The following DMBX1 variants were observed in gnomAD, a reference collection of about 807,000 sequenced individuals.
DMBX1 encodes diencephalon/mesencephalon homeobox 1.
In DMBX1, 7 loss-of-function variants were observed where a neutral mutation model predicts 30.4. The observed-to-expected ratio is 0.23, with a 90% CI of 0.13 to 0.43. DMBX1 has a LOEUF of 0.43. DMBX1 is among the 20% of genes least tolerant of loss of function. The pLI is 1.00. For missense variants in DMBX1, 460 were observed against 508.5 expected (o/e 0.90, Z 0.92); for synonymous variants, 222 against 214.2 (o/e 1.04, Z -0.32).
rs1665935624 is a variant in DMBX1, at chr1:46,491,884, G to T, written c.-13+1101G>T. Among the ~76,000 whole-genome samples the T allele has an allele frequency of 6.6e-6, 1 of 152,142 alleles. No homozygotes were observed. The highest frequency in any genetic ancestry group is 2.4e-5 in the African/African-American group (1 of 41,408). On this transcript the variant is annotated intron_variant, in intron 2 of 5. Coordinates refer to ENST00000360032, the MANE Select transcript of DMBX1 (RefSeq NM_172225.2). This position sits in a 1 kb window ranked among gnomAD's most constrained non-coding sequence, Gnocchi z 5.5. Reference sequence around the variant, plus strand: ...AACCAGCTGTGTTTATGTGTGTCTAGGTGTTCAGAAAAAAATCGAATTTGC... The same window carrying T: ...AACCAGCTGTGTTTATGTGTGTCTATGTGTTCAGAAAAAAATCGAATTTGC...
chr1:46,507,302 C>A (rs893554810), intron 3 of DMBX1, 138 bp downstream of exon 3: 3 of 1,131,750 alleles, frequency 2.7e-6, no homozygotes, highest in Non-Finnish European at 3.7e-6. Context: ...CTTAGCAACA[C>A]AGAGAGATGT....
chr1:46,505,830 G>A (rs1236401814), intron 2 of DMBX1, among the ~76,000 whole-genome samples: 5 of 151,622 alleles, frequency 3.3e-5, no homozygotes, highest in Non-Finnish European at 7.4e-5. Flanking sequence ...ATGTGGAGTG[G>A]GGCAGGCCCT....
intron 2 of DMBX1, among the ~76,000 whole-genome samples, chr1:46,500,001 G>A (rs1666094046): frequency 6.6e-6 from 1 of 152,216 alleles, no homozygotes; most frequent in African/African-American, 2.4e-5. Context: ...GAGGCGACTT[G>A]GGGAAGGCCC....
intron 2 of DMBX1, among the ~76,000 whole-genome samples, chr1:46,504,139 A>G (rs980978057): frequency 6.6e-6 from 1 of 151,766 alleles, no homozygotes; most frequent in Non-Finnish European, 1.5e-5. Context: ...AGTAGGTTGC[A>G]AAAATTTTCT....
Position 46,510,333 on chromosome 1 carries a change from G to A in DMBX1, c.155-143G>A, listed in dbSNP as rs947840955. The A allele has an allele frequency of 3.5e-5, 36 of 1,028,760 alleles. No homozygotes were observed. The highest frequency in any genetic ancestry group is 4.3e-5 in the Non-Finnish European group (31 of 726,812). The allele number at this position is 1,028,760 out of a possible 1,614,324, so 63.7% of individuals were successfully genotyped here. On this transcript the variant is annotated intron_variant, in intron 3 of 5. Transcript: ENST00000360032. The surrounding 1 kb of genome is among the most constrained non-coding windows in gnomAD (Gnocchi z 4.1). ...ACAGCCATATGGAGAGGGGATGGCT[G>A]ATTTCTAAGGGTAAGGGACCAGGGC...
chr1:46,505,883 A>G (rs75120915), intron 2 of DMBX1, among the ~76,000 whole-genome samples: 4,057 of 151,176 alleles, frequency 0.027, 174 homozygotes, highest in African/African-American at 0.093. Context: ...TCTTTCTCTG[A>G]GCCTCAGTAG....
At position 46,512,416 on chromosome 1, in the gene DMBX1, A is replaced by C; in HGVS notation, c.1056A>C (p.Lys352Asn). ...LAPASATLNS[K>N]TTSIENLRLR... ...CTGCATCAGCTACCCTGAACAGTAAAACCACAAGCATCGAGAACCTGCGGC... is the reference window on the plus strand; with the variant it reads ...CTGCATCAGCTACCCTGAACAGTAACACCACAAGCATCGAGAACCTGCGGC... Residue 352 changes from lysine (K) to asparagine (N), a missense_variant, in exon 6 of 6, where the codon AAA becomes AAC. Physicochemically the swap from Lys to Asn is moderately conservative, Grantham distance 94. Transcript: ENST00000360032. The surrounding 1 kb of genome is among the most constrained non-coding windows in gnomAD (Gnocchi z 4.8). The C allele has an allele frequency of 2.5e-6, 4 of 1,613,898 alleles. No individual in the cohort carries two copies. Among genetic ancestry groups the C allele is most frequent in the Non-Finnish European group, 3.4e-6 (4 of 1,179,970 alleles).
chr1:46,508,478 T>C (rs1666284175), intron 3 of DMBX1, among the ~76,000 whole-genome samples: 1 of 152,130 alleles, frequency 6.6e-6, no homozygotes, highest in Non-Finnish European at 1.5e-5. Context: ...TGGGCAGAAC[T>C]CAGTGGATAA....
chr1:46,489,930 C>T (rs1228940656), intron 1 of DMBX1, among the ~76,000 whole-genome samples, 53 bp downstream of exon 1: 1 of 152,148 alleles, frequency 6.6e-6, no homozygotes, highest in African/African-American at 2.4e-5. Flanking sequence ...GGGACAGTCG[C>T]TGCAGGGAGG....
chr1:46,502,632 A>G (rs992115027), intron 2 of DMBX1, among the ~76,000 whole-genome samples: 2 of 152,200 alleles, frequency 1.3e-5, no homozygotes, highest in African/African-American at 4.8e-5. Flanking sequence ...CACGCCTGTA[A>G]TTCCAGCACT....
rs80220764 is a variant in DMBX1, at chr1:46,506,855, C to G, written c.-12-144C>G. 1,057 of 871,646 alleles carry G rather than the reference C, an allele frequency of 1.2e-3. 9 individuals are homozygous for G. The African/African-American group carries it at 0.016, about 13-fold the overall frequency. 54.0% of individuals were successfully genotyped at this position (871,646 alleles called of 1,614,324 possible). On this transcript the variant is annotated intron_variant, in intron 2 of 5. Transcript: ENST00000360032. The stretch of plus-strand genomic sequence containing the variant: ...GCAGGAACCCCCACACGGTAAGCCA[C>G]GGGCAAGACAGGCTCCCTTCCGATG...
chr1:46,510,371 C>A lies in DMBX1; in HGVS notation c.155-105C>A. On this transcript the variant is annotated intron_variant, in intron 3 of 5. Coordinates refer to ENST00000360032, the MANE Select transcript of DMBX1 (RefSeq NM_172225.2). The surrounding 1 kb of genome is among the most constrained non-coding windows in gnomAD (Gnocchi z 4.1). The stretch of plus-strand genomic sequence containing the variant: ...AAGGGACCAGGGCCAGCTCTGGCAG[C>A]AGCCTGGGTGTCCACAGTGGGTCAG... 2 of 1,393,122 alleles carry A rather than the reference C, an allele frequency of 1.4e-6. No homozygotes were observed. The highest frequency in any genetic ancestry group is 1.4e-5 in the African/African-American group (1 of 69,724). The allele number at this position is 1,393,122 out of a possible 1,614,324, so 86.3% of individuals were successfully genotyped here. A position where few individuals can be genotyped will look rare whatever the true frequency, so the allele number is the denominator to read the frequency against.
At chr1:46,502,359 C>CTTT (rs11447451) in intron 2 of DMBX1, among the ~76,000 whole-genome samples, 141 of 149,492 alleles carry the variant, frequency 9.4e-4, no homozygotes, top group Middle Eastern at 3.5e-3. Context: ...CTGAGTTATC[C>CTTT]TTTTTTTTTT....
Position 46,510,338 on chromosome 1 carries a change from CTAAGGG to C in DMBX1, c.155-131_155-126del. On this transcript the variant is annotated intron_variant, in intron 3 of 5. Transcript: ENST00000360032. The surrounding 1 kb of genome is among the most constrained non-coding windows in gnomAD (Gnocchi z 4.1). ...CATATGGAGAGGGGATGGCTGATTT[CTAAGGG>C]TAAGGGACCAGGGCCAGCTCTGGCA... is the stretch of plus-strand genomic sequence containing the variant. The C allele has an allele frequency of 1.8e-6, 2 of 1,083,408 alleles. No homozygotes were observed. Among genetic ancestry groups the C allele is most frequent in the Non-Finnish European group, 2.6e-6 (2 of 776,072 alleles). The allele number at this position is 1,083,408 out of a possible 1,614,324, so 67.1% of individuals were successfully genotyped here. A position where few individuals can be genotyped will look rare whatever the true frequency, so the allele number is the denominator to read the frequency against.
In DMBX1 at chr1:46,515,012, C is replaced by T. The variant is rs1011975905; in HGVS notation, c.*2518C>T. On this transcript the variant is annotated 3_prime_UTR_variant, in exon 6 of 6. Transcript: ENST00000360032. ...GGGGCCTGGAATCCAGGCTAAAGACCACACCTACATGTGGCAAGCACCAAG... is the reference window on the plus strand; with the variant it reads ...GGGGCCTGGAATCCAGGCTAAAGACTACACCTACATGTGGCAAGCACCAAG... Among the ~76,000 whole-genome samples the T allele has an allele frequency of 2.0e-5, 3 of 152,082 alleles. No individual in the cohort carries two copies. The highest frequency in any genetic ancestry group is 6.6e-5 in the Admixed American group (1 of 15,266).
chr1:46,515,791 CT>C lies in DMBX1; in HGVS notation c.*3298del, dbSNP rs1666479075. ...CCAGGCCTGCTGGGCCAACCTGGGC[CT>C]GAAAGCCAGAGGCTCAAGCTCTGAC... is the stretch of plus-strand genomic sequence containing the variant. On this transcript the variant is annotated 3_prime_UTR_variant, in exon 6 of 6. Transcript: ENST00000360032. Among the ~76,000 whole-genome samples the C allele has an allele frequency of 1.3e-5, 2 of 152,370 alleles. No homozygotes were observed. The highest frequency in any genetic ancestry group is 6.5e-5 in the Admixed American group (1 of 15,308).
Position 46,512,460 on chromosome 1 carries a change from C to A in DMBX1, c.1100C>A (p.Ala367Glu). The A allele has an allele frequency of 6.2e-7, 1 of 1,613,238 alleles. No homozygotes were observed. ...ENLRLRAKQH[A>E]ASLGLDTLPN ...CTGCGGCTCCGGGCCAAGCAGCACG[C>A]GGCCTCCCTGGGACTCGATACGCTG... The change falls in exon 6 of 6, where the codon GCG becomes GAG. Residue 367 changes from alanine (A) to glutamate (E), a missense_variant. Ala to Glu is a moderately radical substitution (Grantham distance 107). Around this residue, in one of 3 missense-constraint regions of DMBX1, gnomAD observed 334 missense variants for 345.1 expected, o/e 0.97. Coordinates refer to ENST00000360032, the MANE Select transcript of DMBX1 (RefSeq NM_172225.2). This position sits in a 1 kb window ranked among gnomAD's most constrained non-coding sequence, Gnocchi z 4.8.
Position 46,505,972 on chromosome 1 carries a change from C to T in DMBX1, c.-12-1027C>T, listed in dbSNP as rs1025148638. Among the ~76,000 whole-genome samples the T allele has an allele frequency of 1.5e-3, 235 of 152,030 alleles. 1 individual carries two copies. Among genetic ancestry groups the T allele is most frequent in the African/African-American group, 5.2e-3 (214 of 41,460 alleles). On this transcript the variant is annotated intron_variant, in intron 2 of 5. Coordinates refer to ENST00000360032, the MANE Select transcript of DMBX1 (RefSeq NM_172225.2). Reference sequence around the variant, plus strand: ...TGGTGAGAATAAAGGGAGGTAATGGCGGTGAATGTATGACAGTCATAACAA... The same window carrying T: ...TGGTGAGAATAAAGGGAGGTAATGGTGGTGAATGTATGACAGTCATAACAA...
rs1172444770 is a variant in DMBX1 at position 46,511,152 on chromosome 1, G to A, written c.551G>A (p.Ser184Asn). 1.2e-6 allele frequency: 2 copies of A among 1,613,968 alleles called. No individual in the cohort carries two copies. The highest frequency in any genetic ancestry group is 1.7e-6 in the Non-Finnish European group (2 of 1,180,010). ...LHLSLSEQSA[S>N]ESAPEDQPDR... ...CTGAGTCTGTCTGAGCAGTCAGCCA[G>A]TGAGTCAGCCCCCGAGGATCAGCCG... The change falls in exon 5 of 6, where the codon AGT becomes AAT. Residue 184 changes from serine to asparagine, a missense_variant. Ser to Asn is a conservative substitution (Grantham distance 46). Coordinates refer to ENST00000360032, the MANE Select transcript of DMBX1 (RefSeq NM_172225.2).
Sources: allele counts gnomAD v4.1 joint callset (sites outside exome capture counted in the v4.1 genomes callset), GRCh38; gene constraint gnomAD v4.1.1; regional missense constraint gnomAD v4.1.1; non-coding constraint Gnocchi (gnomAD v3.1); transcripts MANE v1.5; gene names NCBI Gene and HGNC (gene_info 2026-07-23, HGNC 2026-07-21).